Variants in MSI2 observed in about 807,000 individuals in gnomAD.
MSI2 encodes the protein RNA-binding protein Musashi homolog 2.
A neutral mutation model predicts 45.6 loss-of-function variants in MSI2; 17 were observed. The observed-to-expected ratio is 0.37, with a 90% CI of 0.26 to 0.56. The LOEUF (loss-of-function observed/expected upper bound fraction) is 0.56, where lower values mean the gene tolerates loss of function less well. MSI2 is among the 20% of genes least tolerant of loss of function. The pLI is 0.77. For synonymous variants in MSI2, 156 were observed against 158.2 expected (o/e 0.99, Z 0.11); for missense variants, 293 against 444.2 (o/e 0.66, Z 3.06).
intron 6 of MSI2, among the ~76,000 whole-genome samples, chr17:57,416,668 G>T (rs1378271075): frequency 1.3e-5 from 2 of 152,130 alleles, no homozygotes; most frequent in Admixed American, 6.5e-5. Flanking sequence ...GCTTATGCTG[G>T]TTTCTCTTAG....
At chr17:57,554,233 G>A (rs1598395351) in intron 7 of MSI2, among the ~76,000 whole-genome samples, 2 of 151,712 alleles carry the variant, frequency 1.3e-5, no homozygotes, top group African/African-American at 2.4e-5. Context: ...AGTTTGGGGC[G>A]GGGGAGGGGG....
In MSI2 at chr17:57,424,629, C is replaced by T. The variant is rs185512712; in HGVS notation, c.405+23158C>T. On this transcript the variant is annotated intron_variant, in intron 6 of 13. Coordinates refer to ENST00000284073, the MANE Select transcript of MSI2 (RefSeq NM_138962.4). The stretch of plus-strand genomic sequence containing the variant: ...ACATGACTATCTAGTGTCACAGCTG[C>T]TGGCTCTGGACATCTCCTGATGCTT... Among the ~76,000 whole-genome samples the T allele has an allele frequency of 8.7e-3, 1,322 of 152,278 alleles. 23 individuals carry two copies. Among genetic ancestry groups the T allele is most frequent in the African/African-American group, 0.03 (1,257 of 41,548 alleles).
intron 5 of MSI2, among the ~76,000 whole-genome samples, chr17:57,291,003 T>C (rs1910368146): frequency 6.6e-6 from 1 of 152,206 alleles, no homozygotes; most frequent in Admixed American, 6.5e-5. Flanking sequence ...AGGTCCTGGC[T>C]GCACCCCATC....
chr17:57,451,281 C>T (rs1331739965), intron 6 of MSI2, among the ~76,000 whole-genome samples: 1 of 151,882 alleles, frequency 6.6e-6, no homozygotes, highest in African/African-American at 2.4e-5. Context: ...GATGTGGGTG[C>T]GTGCATGTGT....
intron 7 of MSI2, among the ~76,000 whole-genome samples, chr17:57,557,693 C>G (rs373707658): frequency 6.6e-6 from 1 of 152,200 alleles, no homozygotes; most frequent in Admixed American, 6.5e-5. Context: ...GGTGTACATT[C>G]GCTCCCCAGT....
intron 7 of MSI2, among the ~76,000 whole-genome samples, chr17:57,591,278 C>T (rs1331708848): frequency 6.6e-6 from 1 of 152,218 alleles, no homozygotes; most frequent in Non-Finnish European, 1.5e-5. Context: ...ACTCCCTGTC[C>T]TCCATCTCTC....
intron 5 of MSI2, among the ~76,000 whole-genome samples, chr17:57,309,347 G>T (rs1000489303): frequency 1.3e-5 from 2 of 152,116 alleles, no homozygotes; most frequent in African/African-American, 4.8e-5. Context: ...CATGCCCCTG[G>T]TGCCAGCTTT....
At chr17:57,331,405 A>G (rs767118472) in intron 5 of MSI2, among the ~76,000 whole-genome samples, 3 of 152,162 alleles carry the variant, frequency 2.0e-5, no homozygotes, top group Non-Finnish European at 4.4e-5. Flanking sequence ...TTGGGTTTTC[A>G]GTAACTTCTC....
At chr17:57,416,910 G>T (rs9913447) in intron 6 of MSI2, among the ~76,000 whole-genome samples, 22,599 of 152,216 alleles carry the variant, frequency 0.15, 2,165 homozygotes, top group East Asian at 0.27. Context: ...AGGAACCCAA[G>T]CTAGGTATTA....
intron 9 of MSI2, among the ~76,000 whole-genome samples, chr17:57,620,181 CTCTA>C (rs1420335633): frequency 1.3e-5 from 2 of 152,244 alleles, no homozygotes. Context: ...GGACTCTTCA[CTCTA>C]TCAGCTGTGT....
Position 57,301,904 on chromosome 17 carries a change from A to G in MSI2, c.312+39712A>G, listed in dbSNP as rs147223967. On this transcript the variant is annotated intron_variant, in intron 5 of 13. Coordinates refer to ENST00000284073, the MANE Select transcript of MSI2 (RefSeq NM_138962.4). Reference sequence around the variant, plus strand: ...GGGTATCTACAACTTCAGGTTAACTAGAAACTGCATTGCAAAGATCCCCTT... The same window carrying G: ...GGGTATCTACAACTTCAGGTTAACTGGAAACTGCATTGCAAAGATCCCCTT... Among the ~76,000 whole-genome samples the G allele has an allele frequency of 5.9e-3, 904 of 152,330 alleles. 6 individuals are homozygous for G. Among genetic ancestry groups the G allele is most frequent in the Non-Finnish European group, 1.0e-2 (677 of 68,036 alleles).
chr17:57,288,643 T>C (rs1394275049), intron 5 of MSI2, among the ~76,000 whole-genome samples: 2 of 152,174 alleles, frequency 1.3e-5, no homozygotes, highest in African/African-American at 2.4e-5. Flanking sequence ...TGATAGATGG[T>C]GCAGTTTGGT....
intron 7 of MSI2, among the ~76,000 whole-genome samples, chr17:57,554,764 C>A (rs866155825): frequency 2.6e-4 from 39 of 152,330 alleles, no homozygotes; most frequent in African/African-American, 9.4e-4. Context: ...AGGAACTTGC[C>A]CATGGACACA....
intron 2 of MSI2, 77 bp downstream of exon 2, chr17:57,257,215 A>AG: frequency 4.5e-6 from 1 of 222,238 alleles, no homozygotes; most frequent in Non-Finnish European, 6.5e-6. Context: ...CCGGTGTAGG[A>AG]GCCCCCCCCC....
intron 5 of MSI2, among the ~76,000 whole-genome samples, chr17:57,274,092 A>G (rs559248914): frequency 6.6e-6 from 1 of 152,310 alleles, no homozygotes; most frequent in South Asian, 2.1e-4. Context: ...CACAATAGAG[A>G]AATCATGAAA....
At chr17:57,639,150 A>C (rs1301523864) in intron 10 of MSI2, among the ~76,000 whole-genome samples, 2 of 152,156 alleles carry the variant, frequency 1.3e-5, no homozygotes, top group African/African-American at 2.4e-5. Flanking sequence ...CCACCTCCTA[A>C]TATCATCACC....
chr17:57,533,155 C>T (rs1479335492), intron 7 of MSI2, among the ~76,000 whole-genome samples: 1 of 152,170 alleles, frequency 6.6e-6, no homozygotes, highest in African/African-American at 2.4e-5. Flanking sequence ...TCTGTTGGGG[C>T]AGGGATGCCC....
chr17:57,415,352 TACTGCCAG>T (rs56352035), intron 6 of MSI2, among the ~76,000 whole-genome samples: 22,622 of 152,098 alleles, frequency 0.15, 2,087 homozygotes, highest in East Asian at 0.28. Context: ...CATTGGCATT[TACTGCCAG>T]ACTGTCGGGA....
At chr17:57,310,361 T>A (rs926490871) in intron 5 of MSI2, among the ~76,000 whole-genome samples, 5 of 151,140 alleles carry the variant, frequency 3.3e-5, no homozygotes, top group Non-Finnish European at 7.4e-5. Flanking sequence ...CGAGTTGGAA[T>A]CTCACTCCGT....
Sources: allele counts gnomAD v4.1 joint callset (sites outside exome capture counted in the v4.1 genomes callset), GRCh38; gene constraint gnomAD v4.1.1; transcripts MANE v1.5; gene names NCBI Gene and HGNC (gene_info 2026-07-23, HGNC 2026-07-21).